Variants in VWA8 observed in about 807,000 individuals in gnomAD.
The protein encoded by VWA8 is von Willebrand factor A domain containing 8.
In VWA8, 221 loss-of-function variants were observed where a neutral mutation model predicts 241.5. That is an observed-to-expected ratio of 0.91 (90% CI 0.82 to 1.02). The LOEUF is 1.02. Among genes scored for constraint, VWA8 ranks in the 50% least tolerant of loss-of-function variants. The pLI is 0.00. For synonymous variants in VWA8, 852 were observed against 827.1 expected, an observed-to-expected ratio of 1.03 and a Z score of -0.52; for missense variants, 2,322 against 2,328.7, an observed-to-expected ratio of 1.00 and a Z score of 0.06.
chr13:41,611,593 C>T lies in VWA8; in HGVS notation c.4860G>A (p.Gln1620=). 1 of 1,614,050 alleles carries T rather than the reference C, an allele frequency of 6.2e-7. No homozygotes were observed. Among genetic ancestry groups the T allele is most frequent in the South Asian group, 1.1e-5 (1 of 91,070 alleles). Residue 1620 remains glutamine (Q), a synonymous_variant, in exon 39 of 45, where the codon CAG becomes CAA. Coordinates refer to ENST00000379310, the MANE Select transcript of VWA8 (RefSeq NM_015058.2). The part of the protein sequence containing the change: ...EVKRAAREMG[Q]RAFQQRLKEI... ...GCACTGACCTCTGCTGGAATGCTCT[C>T]TGGCCCATCTCTCTAGCAGCTCTCT...
chr13:41,746,567 C>G (rs960973002), intron 21 of VWA8, among the ~76,000 whole-genome samples: 1 of 152,144 alleles, frequency 6.6e-6, no homozygotes, highest in African/African-American at 2.4e-5. Context: ...TAAAGGACCA[C>G]AGGAATTAAT....
intron 2 of VWA8, among the ~76,000 whole-genome samples, chr13:41,912,434 C>A (rs1202918742): frequency 6.6e-6 from 1 of 152,000 alleles, no homozygotes. Flanking sequence ...TTTATAATAT[C>A]ACAAAGAATT....
At chr13:41,589,826 C>A (rs891663694) in intron 41 of VWA8, among the ~76,000 whole-genome samples, 2 of 152,202 alleles carry the variant, frequency 1.3e-5, no homozygotes, top group African/African-American at 4.8e-5. Context: ...TTCAAGTCCA[C>A]TGAATTGCCC....
intron 20 of VWA8, 42 bp downstream of exon 20, chr13:41,777,943 T>A (rs908395018): frequency 1.3e-6 from 2 of 1,504,538 alleles, no homozygotes; most frequent in African/African-American, 1.4e-5. Context: ...AAATTGTTAC[T>A]ATCATTTTTT....
intron 21 of VWA8, among the ~76,000 whole-genome samples, chr13:41,735,551 G>A (rs2045518201): frequency 6.6e-6 from 1 of 152,088 alleles, no homozygotes; most frequent in Admixed American, 6.5e-5. Flanking sequence ...GTGAGAAAGA[G>A]AAATTCATAG....
intron 16 of VWA8, among the ~76,000 whole-genome samples, chr13:41,813,060 A>C (rs1162268206): frequency 6.6e-6 from 1 of 152,170 alleles, no homozygotes; most frequent in African/African-American, 2.4e-5. Context: ...CTTTACTAGA[A>C]GGTCCTGCTG....
chr13:41,884,863 C>T (rs889489588), intron 8 of VWA8, among the ~76,000 whole-genome samples: 3 of 151,744 alleles, frequency 2.0e-5, no homozygotes, highest in African/African-American at 7.3e-5. Flanking sequence ...AATACCTAGG[C>T]TCCCTGACTC....
chr13:41,800,950 G>A (rs572496723), intron 17 of VWA8, among the ~76,000 whole-genome samples: 88 of 152,034 alleles, frequency 5.8e-4, no homozygotes, highest in Non-Finnish European at 9.1e-4. Context: ...ACAGAAATGC[G>A]TCCCTTAATT....
intron 21 of VWA8, among the ~76,000 whole-genome samples, chr13:41,759,094 T>C (rs773497817): frequency 6.6e-5 from 10 of 151,680 alleles, no homozygotes; most frequent in Non-Finnish European, 1.2e-4. Flanking sequence ...TCTATGTTCA[T>C]AGGAAATTCT....
chr13:41,730,536 T>C (rs532144057), intron 22 of VWA8, among the ~76,000 whole-genome samples: 1 of 152,188 alleles, frequency 6.6e-6, no homozygotes, highest in South Asian at 2.1e-4. Context: ...GAAGGTTTTG[T>C]AGGGACAGAA....
At chr13:41,592,494 T>G (rs9562326) in intron 40 of VWA8, among the ~76,000 whole-genome samples, 9,950 of 119,938 alleles carry the variant, frequency 0.083, 398 homozygotes, top group East Asian at 0.16. Flanking sequence ...TAAAATAAAA[T>G]AAAAAGAAAA....
At chr13:41,733,920 T>G (rs2045505024) in intron 21 of VWA8, among the ~76,000 whole-genome samples, 2 of 152,206 alleles carry the variant, frequency 1.3e-5, no homozygotes, top group South Asian at 4.1e-4. Flanking sequence ...TAGTTTATAG[T>G]GCAGGATAAA....
At chr13:41,615,720 C>T (rs1211758143) in intron 37 of VWA8, among the ~76,000 whole-genome samples, 1 of 152,130 alleles carries the variant, frequency 6.6e-6, no homozygotes, top group Non-Finnish European at 1.5e-5. Flanking sequence ...ATGATTCCTG[C>T]AATTCAAATA....
chr13:41,789,015 A>G (rs1332007610), intron 17 of VWA8, among the ~76,000 whole-genome samples: 1 of 152,132 alleles, frequency 6.6e-6, no homozygotes, highest in Non-Finnish European at 1.5e-5. Context: ...CTAATAGGGC[A>G]TTCTTTCCTT....
chr13:41,735,980 T>C (rs1398820099), intron 21 of VWA8, among the ~76,000 whole-genome samples: 1 of 152,180 alleles, frequency 6.6e-6, no homozygotes, highest in Non-Finnish European at 1.5e-5. Flanking sequence ...GAATATTTTA[T>C]TTCTTGCAAC....
intron 35 of VWA8, among the ~76,000 whole-genome samples, chr13:41,676,395 G>A (rs530722884): frequency 1.3e-5 from 2 of 152,202 alleles, no homozygotes; most frequent in African/African-American, 4.8e-5. Flanking sequence ...AATACAGAAG[G>A]TGAATTGGTC....
chr13:41,747,735 T>G (rs1050287424), intron 21 of VWA8, among the ~76,000 whole-genome samples: 6 of 152,214 alleles, frequency 3.9e-5, no homozygotes, highest in Non-Finnish European at 7.3e-5. Flanking sequence ...GCTGCGGGTT[T>G]GTCATAAATA....
intron 4 of VWA8, among the ~76,000 whole-genome samples, chr13:41,898,509 T>G (rs1875250871): frequency 6.6e-6 from 1 of 152,242 alleles, no homozygotes; most frequent in African/African-American, 2.4e-5. Context: ...GGAGCCCAGC[T>G]GGCTTCACCC....
At chr13:41,935,665 G>A (rs1877314580) in intron 2 of VWA8, among the ~76,000 whole-genome samples, 1 of 151,794 alleles carries the variant, frequency 6.6e-6, no homozygotes. Flanking sequence ...GCCCTACAAG[G>A]AAGTCAAAGT....
Sources: allele counts gnomAD v4.1 joint callset (sites outside exome capture counted in the v4.1 genomes callset), GRCh38; gene constraint gnomAD v4.1.1; transcripts MANE v1.5; gene names NCBI Gene and HGNC (gene_info 2026-07-23, HGNC 2026-07-21).